TRPV3: variants seen among roughly 807,000 people sequenced by gnomAD.
TRPV3 encodes VRL-3.
Under a neutral mutation model 87.1 loss-of-function variants are expected in TRPV3, and 88 were observed. The observed-to-expected ratio is 1.01, with a 90% CI of 0.85 to 1.21. The LOEUF (loss-of-function observed/expected upper bound fraction) is 1.21. Ranked by LOEUF, TRPV3 falls within the 50% of genes most tolerant of loss-of-function variation. The pLI is 0.00. For synonymous variants in TRPV3, 438 were observed against 423.3 expected, an observed-to-expected ratio of 1.03 and a Z score of -0.43; for missense variants, 1,054 against 1,030.1, an observed-to-expected ratio of 1.02 and a Z score of -0.32.
In TRPV3 at chr17:3,532,839, G is replaced by C. The variant is rs766623921; in HGVS notation, c.883C>G (p.Arg295Gly). The C allele has an allele frequency of 1.2e-6, 2 of 1,614,244 alleles. No homozygotes were observed. Among genetic ancestry groups the C allele is most frequent in the Non-Finnish European group, 1.7e-6 (2 of 1,180,044 alleles). Reference protein sequence around the residue: ...EQTDITSRDSRGNNILHALVT... With the variant: ...EQTDITSRDSGGNNILHALVT... The stretch of plus-strand genomic sequence containing the variant: ...AGGGCGTGAAGGATGTTGTTGCCTC[G>C]TGAGTCCCGCGAGGTGATGTCCGTC... The change falls in exon 8 of 18, where the codon CGA becomes GGA. Residue 295 changes from arginine to glycine, a missense_variant. Coordinates refer to ENST00000576742, the MANE Select transcript of TRPV3 (RefSeq NM_145068.4).
intron 2 of TRPV3, among the ~76,000 whole-genome samples, chr17:3,550,273 T>G (rs976400288): frequency 6.6e-6 from 1 of 152,136 alleles, no homozygotes; most frequent in Non-Finnish European, 1.5e-5. Context: ...AGCAGCCCTT[T>G]GTCTCTGCCC....
intron 7 of TRPV3, 83 bp from the exon 8 acceptor site, chr17:3,533,020 C>G: frequency 1.3e-6 from 2 of 1,519,008 alleles, no homozygotes; most frequent in Admixed American, 1.8e-5. Flanking sequence ...GGCCCATATC[C>G]TATCTCAGCA....
intron 13 of TRPV3, among the ~76,000 whole-genome samples, chr17:3,522,622 C>T (rs1391379045): frequency 6.8e-6 from 1 of 147,310 alleles, no homozygotes; most frequent in Non-Finnish European, 1.5e-5. Context: ...GAGTTGGAGA[C>T]CAGCCTGGCC....
chr17:3,522,311 C>A (rs539080479), intron 13 of TRPV3, among the ~76,000 whole-genome samples: 1 of 152,128 alleles, frequency 6.6e-6, no homozygotes, highest in South Asian at 2.1e-4. Flanking sequence ...GAGAGGAGAA[C>A]AGTAGTCCGC....
rs1597477502 is a variant in TRPV3 at position 3,530,468 on chromosome 17, C to A, written c.1066-265G>T. On this transcript the variant is annotated intron_variant, in intron 8 of 17. Transcript: ENST00000576742. This position sits in a 1 kb window ranked among gnomAD's most constrained non-coding sequence, Gnocchi z 4.0. ...GTTCTTCGCAGGCTGCAGCAAGCTGCACAATCAGCTTGAAATGCCTCACGC... is the reference window on the plus strand; with the variant it reads ...GTTCTTCGCAGGCTGCAGCAAGCTGAACAATCAGCTTGAAATGCCTCACGC... Among the ~76,000 whole-genome samples, 1 of 151,944 alleles carries A rather than the reference C, an allele frequency of 6.6e-6. No homozygotes were observed. Among genetic ancestry groups the A allele is most frequent in the Non-Finnish European group, 1.5e-5 (1 of 67,804 alleles).
intron 6 of TRPV3, among the ~76,000 whole-genome samples, chr17:3,537,631 C>T (rs151258038): frequency 6.6e-4 from 101 of 152,218 alleles, no homozygotes; most frequent in African/African-American, 2.1e-3. Flanking sequence ...GGGCCGGGCG[C>T]GGTAGCTCAC....
chr17:3,514,479 A>T (rs961604330), intron 17 of TRPV3, 114 bp downstream of exon 17: 8 of 745,174 alleles, frequency 1.1e-5, no homozygotes, highest in African/African-American at 1.7e-5. Context: ...AAGCATTTCC[A>T]TTCAACCCTC....
intron 2 of TRPV3, among the ~76,000 whole-genome samples, chr17:3,549,816 ATGAT>A (rs745577935): frequency 4.0e-5 from 6 of 151,322 alleles, no homozygotes; most frequent in African/African-American, 7.3e-5. Flanking sequence ...TGATGAATAA[ATGAT>A]TGATGGATGG....
At chr17:3,531,123 C>A (rs916927357) in intron 8 of TRPV3, among the ~76,000 whole-genome samples, 2 of 151,998 alleles carry the variant, frequency 1.3e-5, no homozygotes. Flanking sequence ...CTGATGAAAT[C>A]GAAATATCCA....
At chr17:3,522,561 C>T (rs906821349) in intron 13 of TRPV3, among the ~76,000 whole-genome samples, 1 of 151,346 alleles carries the variant, frequency 6.6e-6, no homozygotes, top group Non-Finnish European at 1.5e-5. Flanking sequence ...ATTCCCCCCC[C>T]CACCCCCCAG....
rs533739650 is a variant in TRPV3, at chr17:3,543,656, A to G, written c.312-28T>C. ...GAAGCCAGAAAATGTTTCCAACTCA[A>G]CACACACATCCTCTCAAGCTCAATC... On this transcript the variant is annotated intron_variant, in intron 4 of 17. Transcript: ENST00000576742. The G allele has an allele frequency of 6.8e-6, 11 of 1,612,648 alleles. No individual in the cohort carries two copies. The African/African-American group carries it at 1.1e-4, about 16-fold the overall frequency.
rs1203146229 is a variant in TRPV3, at chr17:3,514,655, C to T, written c.2216G>A (p.Trp739Ter). ...RLCLRINEVK[W>*]TEWKTHVSFL... is the part of the protein sequence containing the mutation. ...GGAGACGTGCGTCTTCCATTCAGTC[C>T]ACTTCACCTCATTGATCCTGCAAAT... is the stretch of plus-strand genomic sequence containing the variant. Residue 739 changes from tryptophan (W) to a stop codon, truncating the protein, a stop_gained, in exon 17 of 18, where the codon TGG becomes TAG. Transcript: ENST00000576742. LOFTEE classifies it high-confidence loss of function. 1 of 1,613,568 alleles carries T rather than the reference C, an allele frequency of 6.2e-7. No homozygotes were observed. Among genetic ancestry groups the T allele is most frequent in the African/African-American group, 1.3e-5 (1 of 74,872 alleles).
chr17:3,532,615 T>C (rs1292589537), intron 8 of TRPV3, 42 bp downstream of exon 8: 1 of 1,604,612 alleles, frequency 6.2e-7, no homozygotes, highest in Non-Finnish European at 8.5e-7. Flanking sequence ...CTGTACCTCC[T>C]GACCTCCCGA....
rs974828315 is a variant in TRPV3 at position 3,528,353 on chromosome 17, G to A, written c.1402-227C>T. 7.9e-5 allele frequency among the ~76,000 whole-genome samples: 12 copies of A among 152,088 alleles called. No homozygotes were observed. The highest frequency in any genetic ancestry group is 2.4e-4 in the African/African-American group (10 of 41,394). ...TACAACGAAGAATATCATCCAATCC[G>A]TGCTAACAACCCTCACACTCCATTG... On this transcript the variant is annotated intron_variant, in intron 10 of 17. Transcript: ENST00000576742. The surrounding 1 kb of genome is among the most constrained non-coding windows in gnomAD (Gnocchi z 4.2).
At chr17:3,541,581 C>G (rs540769398) in intron 6 of TRPV3, among the ~76,000 whole-genome samples, 2 of 152,296 alleles carry the variant, frequency 1.3e-5, no homozygotes, top group South Asian at 4.1e-4. Context: ...ATTTGCTCTC[C>G]CAGCATCCTC....
chr17:3,543,288 G>A (rs542278183), intron 5 of TRPV3, among the ~76,000 whole-genome samples, 186 bp downstream of exon 5: 3 of 152,020 alleles, frequency 2.0e-5, no homozygotes, highest in Admixed American at 6.6e-5. Flanking sequence ...AGTCAGACCC[G>A]ACTCTCACCT....
chr17:3,556,368 G>A lies in TRPV3; in HGVS notation c.-3+1308C>T, dbSNP rs529154424. Among the ~76,000 whole-genome samples the A allele has an allele frequency of 1.6e-4, 24 of 151,834 alleles. No individual in the cohort carries two copies. Among genetic ancestry groups the A allele is most frequent in the African/African-American group, 2.9e-4 (12 of 41,394 alleles). The stretch of plus-strand genomic sequence containing the variant: ...AGGCTGCTGCAGGGGCCATAGGGAC[G>A]GGGAAGGGGGCCAGCTGGCCACAGA... On this transcript the variant is annotated intron_variant, in intron 1 of 17. Transcript: ENST00000576742. The surrounding 1 kb of genome is among the most constrained non-coding windows in gnomAD (Gnocchi z 4.2).
Position 3,516,456 on chromosome 17 carries a change from C to G in TRPV3, c.2198+1G>C. Reference sequence around the variant, plus strand: ...CCCCAGGGCCCTTCTCCCTTTGTTACCGCAAACACAGTCGGAAATCATCCT... The same window carrying G: ...CCCCAGGGCCCTTCTCCCTTTGTTAGCGCAAACACAGTCGGAAATCATCCT... On this transcript the variant is annotated splice_donor_variant, in intron 16 of 17. Coordinates refer to ENST00000576742, the MANE Select transcript of TRPV3 (RefSeq NM_145068.4). LOFTEE classifies it high-confidence loss of function. 1.9e-6 allele frequency: 3 copies of G among 1,613,558 alleles called. No homozygotes were observed. The highest frequency in any genetic ancestry group is 2.5e-6 in the Non-Finnish European group (3 of 1,179,496).
chr17:3,525,887 T>G (rs984248705), intron 12 of TRPV3, among the ~76,000 whole-genome samples: 3 of 152,172 alleles, frequency 2.0e-5, no homozygotes, highest in Admixed American at 6.5e-5. Context: ...AGTGCTGGGA[T>G]TACAAGCATG....
Sources: gnomAD v4.1 joint callset for allele counts (sites outside exome capture counted in the v4.1 genomes callset) on GRCh38, gnomAD v4.1.1 for gene constraint, Gnocchi (gnomAD v3.1) non-coding constraint, MANE v1.5 for transcripts, NCBI Gene and HGNC (gene_info 2026-07-23, HGNC 2026-07-21) for gene names.